The following RUVBL2 variants were observed in gnomAD, a reference collection of about 807,000 sequenced individuals.
RUVBL2 encodes ruvB-like 2.
In RUVBL2, 9 loss-of-function variants were observed where a neutral mutation model predicts 57.9. The observed-to-expected ratio is 0.16, with a 90% confidence interval of 0.09 to 0.27. The LOEUF is 0.27. Among genes scored for constraint, RUVBL2 ranks in the 10% least tolerant of loss-of-function variants. The probability of loss-of-function intolerance (pLI) is 1.00; values close to 1 mark genes in which losing one functional copy is unlikely to be tolerated. For synonymous variants in RUVBL2, 278 were observed against 264.6 expected (o/e 1.05, Z -0.49); for missense variants, 456 against 669.6 (o/e 0.68, Z 3.52).
intron 6 of RUVBL2, among the ~76,000 whole-genome samples, chr19:49,007,924 G>T (rs2039314618): frequency 6.6e-6 from 1 of 151,368 alleles, no homozygotes; most frequent in Non-Finnish European, 1.5e-5. Context: ...GGCCAGGCTG[G>T]TCTTGAACTC....
intron 2 of RUVBL2, among the ~76,000 whole-genome samples, chr19:49,000,526 C>T (rs2039158183): frequency 6.6e-6 from 1 of 151,936 alleles, no homozygotes; most frequent in Non-Finnish European, 1.5e-5. Flanking sequence ...TGCACTCCAG[C>T]CTGGGTGACA....
intron 1 of RUVBL2, among the ~76,000 whole-genome samples, chr19:48,995,136 G>A (rs924321690): frequency 3.9e-5 from 6 of 152,016 alleles, no homozygotes; most frequent in Non-Finnish European, 5.9e-5. Context: ...CAGAACTACC[G>A]TGGAGAAAGT....
At chr19:49,004,485 G>C (rs746875995) in intron 4 of RUVBL2, 67 bp downstream of exon 4, 1 of 1,500,838 alleles carries the variant, frequency 6.7e-7, no homozygotes, top group South Asian at 1.2e-5. Context: ...TGTAAGTCAG[G>C]GTCAGGATGA....
chr19:49,010,483 C>CCAACACAAAA lies in RUVBL2; in HGVS notation c.664-5_664-4insCAACACAAAA. 6.3e-7 allele frequency: 1 copy of CCAACACAAAA among 1,575,994 alleles called. No homozygotes were observed. Among genetic ancestry groups the CCAACACAAAA allele is most frequent in the Non-Finnish European group, 8.7e-7 (1 of 1,148,120 alleles). On this transcript the variant is annotated splice_polypyrimidine_tract_variant and splice_region_variant and intron_variant, in intron 8 of 14. Transcript: ENST00000595090. ...CGCCGTTCTTCCCCCACCCCCGCCC[C>CCAACACAAAA]ATAGACCAAGTTCGTGCAGTGCCCA...
intron 1 of RUVBL2, among the ~76,000 whole-genome samples, chr19:48,997,992 G>A (rs2039097387): frequency 6.6e-6 from 1 of 152,210 alleles, no homozygotes; most frequent in Non-Finnish European, 1.5e-5. Context: ...CAGACATTGA[G>A]TCCCGAGGTG....
rs755211655 is a variant in RUVBL2, at chr19:48,993,890, ACT to A, written c.-19_-18del. On this transcript the variant is annotated 5_prime_UTR_variant, in exon 1 of 15. Coordinates refer to ENST00000595090, the MANE Select transcript of RUVBL2 (RefSeq NM_006666.3). ...CTCGCGCGTTTCCGTTTCCGCTAGGACTCTGGCAGTTGGTGAGCATCATGGCA... is the reference window on the plus strand; with the variant it reads ...CTCGCGCGTTTCCGTTTCCGCTAGGACTGGCAGTTGGTGAGCATCATGGCA... 7.4e-6 allele frequency: 12 copies of A among 1,613,252 alleles called. No homozygotes were observed. The African/African-American group carries it at 1.6e-4, about 22-fold the overall frequency.
At chr19:48,997,845 G>T (rs887030314) in intron 1 of RUVBL2, among the ~76,000 whole-genome samples, 1 of 152,028 alleles carries the variant, frequency 6.6e-6, no homozygotes, top group Non-Finnish European at 1.5e-5. Context: ...TGTCCCGGGT[G>T]GTGTTTACTC....
chr19:49,012,024 A>G (rs1230385132), intron 11 of RUVBL2, among the ~76,000 whole-genome samples: 2 of 152,122 alleles, frequency 1.3e-5, no homozygotes, highest in South Asian at 2.1e-4. Flanking sequence ...CGCAGGAAGC[A>G]GGGGGATGTG....
Position 49,011,310 on chromosome 19 carries a change from G to T in RUVBL2, c.1001G>T (p.Arg334Leu), listed in dbSNP as rs544975709. Residue 334 changes from arginine (R) to leucine (L), a missense_variant and splice_region_variant, in exon 11 of 15, where the codon CGA (arginine) becomes CTA (leucine). Transcript: ENST00000595090. The surrounding 1 kb of genome is among the most constrained non-coding windows in gnomAD (Gnocchi z 4.4). ...ATGGCCACCAACCGTGGCATCACGC[G>T]GTGAGCCGGCTACAGGGGCCTCTGG... is the stretch of plus-strand genomic sequence containing the variant. The part of the protein sequence containing the change: ...LIMATNRGIT[R>L]IRGTSYQSPH... 1 of 1,612,692 alleles carries T rather than the reference G, an allele frequency of 6.2e-7. No homozygotes were observed. The highest frequency in any genetic ancestry group is 1.7e-5 in the Admixed American group (1 of 60,012).
At position 49,010,480 on chromosome 19, in the gene RUVBL2, C is replaced by CCCCCCACA; in HGVS notation, c.664-5_664-4insCCACACCC. On this transcript the variant is annotated splice_polypyrimidine_tract_variant and splice_region_variant and intron_variant, in intron 8 of 14. Transcript: ENST00000595090. ...CTCCGCCGTTCTTCCCCCACCCCCG[C>CCCCCCACA]CCCATAGACCAAGTTCGTGCAGTGC... 6.3e-7 allele frequency: 1 copy of CCCCCCACA among 1,598,804 alleles called. No individual in the cohort carries two copies. The highest frequency in any genetic ancestry group is 8.6e-7 in the Non-Finnish European group (1 of 1,167,782).
Position 49,011,438 on chromosome 19 carries a change from T to C in RUVBL2, c.1001+128T>C, listed in dbSNP as rs1711127589. The C allele has an allele frequency of 2.8e-6, 2 of 721,366 alleles. No homozygotes were observed. The highest frequency in any genetic ancestry group is 1.7e-5 in the African/African-American group (1 of 57,454). The allele number at this position is 721,366 out of a possible 1,614,324, so 44.7% of individuals were successfully genotyped here. ...ACGCGTGACTGCAGTGTGCGCTCTT[T>C]GCTTACAAAAGGCGGGTGGGAGGCA... On this transcript the variant is annotated intron_variant, in intron 11 of 14. Transcript: ENST00000595090. The surrounding 1 kb of genome is among the most constrained non-coding windows in gnomAD (Gnocchi z 4.4).
At chr19:49,003,219 C>G in intron 2 of RUVBL2, 60 bp from the exon 3 acceptor site, 3 of 1,256,170 alleles carry the variant, frequency 2.4e-6, no homozygotes, top group Non-Finnish European at 3.3e-6. Flanking sequence ...TCAGAGGGGT[C>G]AGGCCACATG....
intron 2 of RUVBL2, 72 bp from the exon 3 acceptor site, chr19:49,003,207 G>A (rs760605784): frequency 1.5e-6 from 2 of 1,355,376 alleles, no homozygotes; most frequent in African/African-American, 1.4e-5. Flanking sequence ...GGAAACCAGG[G>A]CTCAGAGGGG....
intron 1 of RUVBL2, among the ~76,000 whole-genome samples, chr19:48,997,820 G>T (rs1272121031): frequency 6.6e-6 from 1 of 152,024 alleles, no homozygotes; most frequent in Non-Finnish European, 1.5e-5. Context: ...GTGGACCTCT[G>T]GGGGGGTCCT....
intron 7 of RUVBL2, 23 bp downstream of exon 7, chr19:49,009,905 A>G (rs753480464): frequency 3.1e-6 from 5 of 1,613,296 alleles, no homozygotes; most frequent in Non-Finnish European, 2.5e-6. Context: ...GGGCCATGCC[A>G]GGCAGCCAGG....
intron 2 of RUVBL2, among the ~76,000 whole-genome samples, chr19:49,000,382 T>C (rs1450211044): frequency 6.8e-6 from 1 of 147,262 alleles, no homozygotes; most frequent in African/African-American, 2.5e-5. Flanking sequence ...TGGTGAAACC[T>C]CGTCTCTACT....
intron 11 of RUVBL2, 72 bp from the exon 12 acceptor site, chr19:49,014,410 TGA>T: frequency 1.9e-6 from 3 of 1,542,780 alleles, no homozygotes; most frequent in Non-Finnish European, 2.6e-6. Flanking sequence ...CGATGGGAGG[TGA>T]GAGTGTTCCC....
chr19:49,004,518 A>C, intron 4 of RUVBL2, 100 bp downstream of exon 4: 2 of 1,190,762 alleles, frequency 1.7e-6, no homozygotes, highest in Non-Finnish European at 2.4e-6. Flanking sequence ...AGATGACCCA[A>C]AATGGCAGTG....
chr19:48,996,413 T>G (rs1292044609), intron 1 of RUVBL2, among the ~76,000 whole-genome samples: 1 of 150,670 alleles, frequency 6.6e-6, no homozygotes, highest in East Asian at 1.9e-4. Context: ...CCTCTGCCTC[T>G]CTCCCATGTT....
Sources: gnomAD v4.1 joint callset for allele counts (sites outside exome capture counted in the v4.1 genomes callset) on GRCh38, gnomAD v4.1.1 for gene constraint, Gnocchi (gnomAD v3.1) non-coding constraint, MANE v1.5 for transcripts, NCBI Gene and HGNC (gene_info 2026-07-23, HGNC 2026-07-21) for gene names.